Variants in PLEKHA2 observed in about 807,000 individuals in gnomAD.
PLEKHA2 encodes pleckstrin homology domain containing A2, also known as pleckstrin homology domain-containing family A member 2.
Under a neutral mutation model 53.2 loss-of-function variants are expected in PLEKHA2, and 28 were observed. The observed-to-expected ratio is 0.53, with a 90% confidence interval of 0.39 to 0.72. The LOEUF is 0.72. Among genes scored for constraint, PLEKHA2 ranks in the 30% least tolerant of loss-of-function variants. The pLI is 0.00. For missense variants in PLEKHA2, 426 were observed against 537.9 expected (o/e 0.79, Z 2.06); for synonymous variants, 193 against 196.4 (o/e 0.98, Z 0.14).
In PLEKHA2 at chr8:38,950,873, C is replaced by G. The variant is rs372652847; in HGVS notation, c.369C>G (p.Pro123=). The G allele has an allele frequency of 2.5e-6, 4 of 1,613,762 alleles. No homozygotes were observed. The African/African-American group carries it at 5.3e-5, about 22-fold the overall frequency. Residue 123 remains proline, a synonymous_variant, in exon 6 of 12, where the codon CCC becomes CCG. Coordinates refer to ENST00000617275, the MANE Select transcript of PLEKHA2 (RefSeq NM_021623.2). ...AGGTTCCCAAAGGTGGGGGCCTACC[C>G]ATGACCACTGAAGTTCTCAAGAGCT... is the stretch of plus-strand genomic sequence containing the variant. ...KITVPKGGGL[P]MTTEVLKSLA...
In PLEKHA2 at chr8:38,930,186, C is replaced by CTTTATTTATTTATTTA. The variant is rs112146378; in HGVS notation, c.142-5792_142-5777dup. ...GCATTGTCTGCATAAAACCACCTATCTTTATTTATTTATTTATTTATTTAT... is the reference window on the plus strand; with the variant it reads ...GCATTGTCTGCATAAAACCACCTATCTTTATTTATTTATTTATTTATTTATTTATTTATTTATTTAT... On this transcript the variant is annotated intron_variant, in intron 2 of 11. Transcript: ENST00000617275. Among the ~76,000 whole-genome samples the CTTTATTTATTTATTTA allele has an allele frequency of 8.0e-5, 12 of 150,598 alleles. No homozygotes were observed. The East Asian group carries it at 1.4e-3, about 17-fold the overall frequency.
At chr8:38,905,696 T>C (rs1833860540) in intron 1 of PLEKHA2, among the ~76,000 whole-genome samples, 1 of 148,242 alleles carries the variant, frequency 6.7e-6, no homozygotes, top group African/African-American at 2.5e-5. Flanking sequence ...TTTTTTTTTT[T>C]TTTTTTGAGA....
chr8:38,944,121 A>G (rs10109979), intron 4 of PLEKHA2, among the ~76,000 whole-genome samples: 56,756 of 151,756 alleles, frequency 0.37, 11,605 homozygotes, highest in African/African-American at 0.52. Context: ...ATAATTATAT[A>G]TATTCATGGG....
At chr8:38,943,427 A>C (rs1254980587) in intron 3 of PLEKHA2, among the ~76,000 whole-genome samples, 1 of 152,158 alleles carries the variant, frequency 6.6e-6, no homozygotes, top group Non-Finnish European at 1.5e-5. Flanking sequence ...TGGAGGCTGC[A>C]GTGAGCTATG....
chr8:38,953,658 G>A (rs964413406), intron 9 of PLEKHA2, among the ~76,000 whole-genome samples: 5 of 152,152 alleles, frequency 3.3e-5, no homozygotes, highest in South Asian at 2.1e-4. Flanking sequence ...GTGGGGCTCC[G>A]AAGCTTCTCA....
At chr8:38,903,007 G>C (rs1833815617) in intron 1 of PLEKHA2, among the ~76,000 whole-genome samples, 1 of 152,206 alleles carries the variant, frequency 6.6e-6, no homozygotes, top group African/African-American at 2.4e-5. Context: ...CTAGATTATG[G>C]CCAGCCCAAC....
At chr8:38,921,791 G>A (rs1327127014) in intron 2 of PLEKHA2, among the ~76,000 whole-genome samples, 4 of 152,306 alleles carry the variant, frequency 2.6e-5, no homozygotes, top group African/African-American at 9.6e-5. Context: ...ACCTGGCTTG[G>A]CATATTCTTG....
intron 3 of PLEKHA2, among the ~76,000 whole-genome samples, chr8:38,941,217 C>T (rs926466321): frequency 7.2e-5 from 11 of 152,046 alleles, no homozygotes; most frequent in Admixed American, 4.6e-4. Context: ...CCACCACACC[C>T]GGCTAATTTT....
intron 3 of PLEKHA2, among the ~76,000 whole-genome samples, chr8:38,940,830 G>A (rs542248764): frequency 4.3e-4 from 65 of 151,744 alleles, no homozygotes; most frequent in Non-Finnish European, 7.4e-4. Context: ...TAGGTTTTTC[G>A]TAGGCTCTGT....
chr8:38,973,838 A>C lies in PLEKHA2; in HGVS notation c.*4055A>C. 1 of 230,870 alleles carries C rather than the reference A, an allele frequency of 4.3e-6. No homozygotes were observed. Among genetic ancestry groups the C allele is most frequent in the South Asian group, 5.3e-5 (1 of 18,920 alleles). 14.3% of individuals were successfully genotyped at this position (230,870 alleles called of 1,614,324 possible). ...CGCTTCTCATTTTATGTGATCTCCT[A>C]ATTGGTATGTAGCAAAAATTTTCTA... On this transcript the variant is annotated 3_prime_UTR_variant, in exon 12 of 12. Transcript: ENST00000617275.
At chr8:38,957,095 T>C (rs1158157337) in intron 9 of PLEKHA2, among the ~76,000 whole-genome samples, 1 of 152,008 alleles carries the variant, frequency 6.6e-6, no homozygotes, top group East Asian at 1.9e-4. Flanking sequence ...GAGAGGGGCC[T>C]GGGGAGGGTC....
chr8:38,964,767 A>G (rs1835102485), intron 10 of PLEKHA2, among the ~76,000 whole-genome samples: 1 of 152,044 alleles, frequency 6.6e-6, no homozygotes, highest in Admixed American at 6.6e-5. Flanking sequence ...ATGAATAGCA[A>G]AAAGACTGGA....
At chr8:38,943,648 A>G in intron 3 of PLEKHA2, 141 bp from the exon 4 acceptor site, 2 of 643,600 alleles carry the variant, frequency 3.1e-6, no homozygotes, top group South Asian at 4.5e-5. Context: ...TGATGAGTAC[A>G]GGGTTTTCAT....
At chr8:38,911,099 C>T (rs1028472711) in intron 1 of PLEKHA2, among the ~76,000 whole-genome samples, 1 of 152,134 alleles carries the variant, frequency 6.6e-6, no homozygotes, top group South Asian at 2.1e-4. Context: ...CCTTCTCTTA[C>T]AAATACCCTG....
chr8:38,951,054 G>A (rs1834828087), intron 6 of PLEKHA2, 64 bp downstream of exon 6: 3 of 1,306,400 alleles, frequency 2.3e-6, no homozygotes, highest in African/African-American at 1.5e-5. Flanking sequence ...GTGTGCCCAT[G>A]ATGTGCTCGG....
chr8:38,964,433 G>A (rs937173606), intron 10 of PLEKHA2, among the ~76,000 whole-genome samples: 1 of 152,148 alleles, frequency 6.6e-6, no homozygotes, highest in Non-Finnish European at 1.5e-5. Context: ...AACTGTGCAT[G>A]TGAGGGATCT....
chr8:38,938,659 C>T (rs1834541770), intron 3 of PLEKHA2, among the ~76,000 whole-genome samples: 1 of 152,234 alleles, frequency 6.6e-6, no homozygotes, highest in Admixed American at 6.5e-5. Context: ...TGCCCACTCC[C>T]TGCTCACATC....
chr8:38,966,830 C>A (rs1460864270), intron 10 of PLEKHA2, among the ~76,000 whole-genome samples: 2 of 151,912 alleles, frequency 1.3e-5, no homozygotes, highest in Non-Finnish European at 2.9e-5. Flanking sequence ...GGTACAAGTG[C>A]GGTTTTGTTA....
At chr8:38,950,331 G>A (rs1266826677) in intron 5 of PLEKHA2, among the ~76,000 whole-genome samples, 2 of 152,088 alleles carry the variant, frequency 1.3e-5, no homozygotes, top group Non-Finnish European at 1.5e-5. Flanking sequence ...CCCGGACCTG[G>A]CCCCCATCTC....
Sources: allele counts gnomAD v4.1 joint callset (sites outside exome capture counted in the v4.1 genomes callset), GRCh38; gene constraint gnomAD v4.1.1; transcripts MANE v1.5; gene names NCBI Gene and HGNC (gene_info 2026-07-23, HGNC 2026-07-21).